PRKAR1A: variants seen among roughly 807,000 people sequenced by gnomAD.
The protein encoded by PRKAR1A is cAMP-dependent protein kinase type I-alpha regulatory subunit.
A neutral mutation model predicts 52.0 loss-of-function variants in PRKAR1A; 3 were observed. That is an observed-to-expected ratio of 0.06 (90% CI 0.03 to 0.15). The LOEUF (loss-of-function observed/expected upper bound fraction) is 0.15. Ranked by LOEUF, PRKAR1A falls within the 10% of genes least tolerant of loss-of-function variation. The probability of loss-of-function intolerance (pLI) is 1.00; values close to 1 mark genes in which losing one functional copy is unlikely to be tolerated. For missense variants in PRKAR1A, 240 were observed against 477.4 expected (o/e 0.50, Z 4.63); for synonymous variants, 188 against 168.4 (o/e 1.12, Z -0.90).
At chr17:68,429,868 T>C in the PRKAR1A span, 7 of 1,369,660 alleles carry the variant, frequency 5.1e-6, no homozygotes, top group African/African-American at 1.0e-4. Flanking sequence ...GGATTACAGA[T>C]GTAAGCCACC....
the PRKAR1A span, chr17:68,433,368 T>C: frequency 1.8e-6 from 2 of 1,104,498 alleles, no homozygotes; most frequent in South Asian, 1.3e-5. Flanking sequence ...GAAGCCAAGA[T>C]TGGGTGTTCA....
the PRKAR1A span, chr17:68,427,614 T>C: frequency 5.5e-6 from 1 of 183,148 alleles, no homozygotes; most frequent in Non-Finnish European, 1.1e-5. Context: ...GCCAACTCTG[T>C]GGGTTTAAAT....
At chr17:68,426,118 G>C in the PRKAR1A span, 1 of 1,612,500 alleles carries the variant, frequency 6.2e-7, no homozygotes, top group Non-Finnish European at 8.5e-7. Flanking sequence ...TGGTCCCGTC[G>C]CAAACTCATG....
At chr17:68,526,609 T>A (rs936286981) in intron 7 of PRKAR1A, among the ~76,000 whole-genome samples, 2 of 152,186 alleles carry the variant, frequency 1.3e-5, no homozygotes, top group African/African-American at 4.8e-5. Context: ...GATAGTCTTG[T>A]CCTTCGCAGC....
chr17:68,465,181 C>T, the PRKAR1A span, among the ~76,000 whole-genome samples: 2 of 152,074 alleles, frequency 1.3e-5, no homozygotes, highest in Admixed American at 6.5e-5. Flanking sequence ...ATCTGCCCGC[C>T]TCGGCCTTCC....
chr17:68,488,832 G>T, the PRKAR1A span, among the ~76,000 whole-genome samples: 1 of 151,616 alleles, frequency 6.6e-6, no homozygotes, highest in Non-Finnish European at 1.5e-5. Flanking sequence ...TTAGACCTGA[G>T]CTCTGGAGTG....
the PRKAR1A span, among the ~76,000 whole-genome samples, chr17:68,437,038 A>ATG: frequency 1.7e-5 from 2 of 119,186 alleles, no homozygotes; most frequent in Non-Finnish European, 3.7e-5. Context: ...GTGTGTGTGT[A>ATG]TATATTGCTC....
chr17:68,478,180 G>A, the PRKAR1A span, among the ~76,000 whole-genome samples: 1 of 152,200 alleles, frequency 6.6e-6, no homozygotes, highest in Non-Finnish European at 1.5e-5. Flanking sequence ...TTGGCCGGGT[G>A]TGGTGGCTCA....
chr17:68,534,042 A>T (rs77337739), downstream of PRKAR1A, among the ~76,000 whole-genome samples: 1,090 of 152,300 alleles, frequency 7.2e-3, 11 homozygotes, highest in African/African-American at 0.025. Flanking sequence ...GTATTATTAT[A>T]ATAGCTATCA....
chr17:68,511,350 A>G (rs923209369), upstream of PRKAR1A, among the ~76,000 whole-genome samples: 1 of 152,186 alleles, frequency 6.6e-6, no homozygotes, highest in African/African-American at 2.4e-5. Flanking sequence ...CTAAAATTGT[A>G]CCGTCTCCCT....
rs895207148 is a variant in PRKAR1A at position 68,532,292 on chromosome 17, C to T, written c.*1843C>T. ...TGCCAAAATGTACTTAAATGAGTTA[C>T]TTAGAATGCCATAAAATTGCAGTTT... On this transcript the variant is annotated 3_prime_UTR_variant, in exon 11 of 11. Transcript: ENST00000589228. The T allele has an allele frequency of 2.9e-6, 3 of 1,048,746 alleles. No homozygotes were observed. Among genetic ancestry groups the T allele is most frequent in the Admixed American group, 5.3e-5 (1 of 18,704 alleles). 65.0% of individuals were successfully genotyped at this position (1,048,746 alleles called of 1,614,324 possible). A position where few individuals can be genotyped will look rare whatever the true frequency, so the allele number is the denominator to read the frequency against.
chr17:68,536,577 T>C (rs1392713719), downstream of PRKAR1A: 1 of 453,720 alleles, frequency 2.2e-6, no homozygotes, highest in Non-Finnish European at 4.4e-6. Context: ...ATAGCCCCTT[T>C]CTTCTTTTGG....
the PRKAR1A span, chr17:68,436,521 G>T: frequency 3.3e-5 from 53 of 1,585,738 alleles, no homozygotes; most frequent in African/African-American, 7.1e-4. Context: ...TGGGGCCAAG[G>T]GAGAGATTGC....
chr17:68,517,947 A>C (rs1355729033), intron 2 of PRKAR1A, among the ~76,000 whole-genome samples: 1 of 152,250 alleles, frequency 6.6e-6, no homozygotes, highest in East Asian at 1.9e-4. Flanking sequence ...AACTTGGTCA[A>C]AACAAGGGGA....
chr17:68,423,860 C>A, the PRKAR1A span, among the ~76,000 whole-genome samples: 2 of 152,150 alleles, frequency 1.3e-5, no homozygotes, highest in Admixed American at 6.5e-5. This position sits in a 1 kb window ranked among gnomAD's most constrained non-coding sequence, Gnocchi z 4.4. Flanking sequence ...TAAGAGGTTG[C>A]AAGGCTTACT....
At chr17:68,475,666 G>A in the PRKAR1A span, among the ~76,000 whole-genome samples, 11 of 152,078 alleles carry the variant, frequency 7.2e-5, no homozygotes, top group African/African-American at 2.2e-4. Flanking sequence ...GTTTTGCCAC[G>A]TTGGCCAGGC....
the PRKAR1A span, among the ~76,000 whole-genome samples, chr17:68,494,546 A>G: frequency 6.6e-6 from 1 of 152,082 alleles, no homozygotes; most frequent in Non-Finnish European, 1.5e-5. Context: ...GTCTCAAAAA[A>G]TAAATAAAAT....
the PRKAR1A span, chr17:68,434,595 T>C: frequency 6.2e-7 from 1 of 1,613,932 alleles, no homozygotes; most frequent in Non-Finnish European, 8.5e-7. Context: ...CTTTTGCCCA[T>C]CAGGGACAGA....
chr17:68,528,728 AGAC>A, intron 8 of PRKAR1A, 139 bp from the exon 9 acceptor site: 1 of 1,106,854 alleles, frequency 9.0e-7, no homozygotes. Context: ...AGGTAATTGA[AGAC>A]AGGTACCACT....
Sources: allele counts gnomAD v4.1 joint callset (sites outside exome capture counted in the v4.1 genomes callset), GRCh38; gene constraint gnomAD v4.1.1; non-coding constraint Gnocchi (gnomAD v3.1); transcripts MANE v1.5; gene names NCBI Gene and HGNC (gene_info 2026-07-23, HGNC 2026-07-21).